CGNL1: variants seen among roughly 807,000 people sequenced by gnomAD.
CGNL1 encodes cingulin-like protein 1.
In CGNL1, 132 loss-of-function variants were observed where a neutral mutation model predicts 141.2. That is an observed-to-expected ratio of 0.93 (90% CI 0.81 to 1.08). The LOEUF is 1.08. Among genes scored for constraint, CGNL1 ranks in the 50% least tolerant of loss-of-function variants. The probability of loss-of-function intolerance (pLI) is 0.00; values close to 1 mark genes in which losing one functional copy is unlikely to be tolerated. For synonymous variants in CGNL1, 690 were observed against 622.1 expected, an observed-to-expected ratio of 1.11 and a Z score of -1.63; for missense variants, 1,870 against 1,588.6, an observed-to-expected ratio of 1.18 and a Z score of -3.01.
chr15:57,404,961 T>G (rs2062698572), intron 1 of CGNL1: 1 of 152,200 alleles, frequency 6.6e-6, no homozygotes, highest in South Asian at 2.1e-4. Context: ...TGAGCCTTGA[T>G]TTCCTTACCT....
intron 3 of CGNL1, 108 bp from the exon 4 acceptor site, chr15:57,442,265 T>C (rs527916694): frequency 4.8e-5 from 24 of 504,376 alleles, no homozygotes; most frequent in South Asian, 4.4e-4. Flanking sequence ...TCACAGCTCC[T>C]GCAAATTATC....
chr15:57,381,323 G>A (rs552485069), intron 1 of CGNL1, among the ~76,000 whole-genome samples: 2 of 152,262 alleles, frequency 1.3e-5, no homozygotes, highest in East Asian at 3.9e-4. Flanking sequence ...ACTTTGGGAG[G>A]CCGAGGCAGG....
Position 57,547,719 on chromosome 15 carries a change from A to C in CGNL1, c.*229A>C. The C allele has an allele frequency of 2.0e-6, 1 of 491,486 alleles. No individual in the cohort carries two copies. The allele number at this position is 491,486 out of a possible 1,614,324, so 30.4% of individuals were successfully genotyped here. Reference sequence around the variant, plus strand: ...GGATGCCTGAGGACCAGGAGCCACCACCCACTGGGGTGTTGTGAGAGATAC... The same window carrying C: ...GGATGCCTGAGGACCAGGAGCCACCCCCCACTGGGGTGTTGTGAGAGATAC... On this transcript the variant is annotated 3_prime_UTR_variant, in exon 19 of 19. Transcript: ENST00000281282.
Position 57,378,837 on chromosome 15 carries a change from G to C in CGNL1, c.-16+2270G>C, listed in dbSNP as rs189346747. 7.5e-4 allele frequency among the ~76,000 whole-genome samples: 114 copies of C among 152,214 alleles called. 1 individual carries two copies. The highest frequency in any genetic ancestry group is 2.6e-3 in the African/African-American group (107 of 41,542). On this transcript the variant is annotated intron_variant, in intron 1 of 18. Coordinates refer to ENST00000281282, the MANE Select transcript of CGNL1 (RefSeq NM_032866.5). ...ATAATTTTGCCCACTTGGTTTTCTCGCTTTTCCCCAACTTCCACGACCATG... is the reference window on the plus strand; with the variant it reads ...ATAATTTTGCCCACTTGGTTTTCTCCCTTTTCCCCAACTTCCACGACCATG...
intron 5 of CGNL1, among the ~76,000 whole-genome samples, 177 bp from the exon 6 acceptor site, chr15:57,451,958 TTAAATA>T (rs1257334288): frequency 6.6e-6 from 1 of 152,236 alleles, no homozygotes. Context: ...TTACAGTTCA[TTAAATA>T]TAAATGTTTG....
intron 1 of CGNL1, among the ~76,000 whole-genome samples, chr15:57,431,647 G>A (rs1165106053): frequency 2.0e-5 from 3 of 152,198 alleles, no homozygotes; most frequent in Admixed American, 6.5e-5. Flanking sequence ...CCTGCGGCCC[G>A]TGGGCTGCCT....
At chr15:57,512,187 G>A (rs531590307) in intron 8 of CGNL1, among the ~76,000 whole-genome samples, 3 of 152,322 alleles carry the variant, frequency 2.0e-5, no homozygotes, top group Admixed American at 1.3e-4. Flanking sequence ...GGAGAACTTT[G>A]AAGGTCCTCT....
At chr15:57,480,238 T>C (rs2063708558) in intron 8 of CGNL1, among the ~76,000 whole-genome samples, 2 of 132,920 alleles carry the variant, frequency 1.5e-5, no homozygotes, top group Admixed American at 7.2e-5. Context: ...AAAATATGCA[T>C]TGAGGCCAGG....
At chr15:57,451,873 A>G (rs911372289) in intron 5 of CGNL1, among the ~76,000 whole-genome samples, 2 of 152,214 alleles carry the variant, frequency 1.3e-5, no homozygotes, top group Non-Finnish European at 2.9e-5. Flanking sequence ...AACTAAATGT[A>G]TATAAAACAT....
intron 1 of CGNL1, among the ~76,000 whole-genome samples, chr15:57,419,921 TG>T (rs764926820): frequency 6.6e-6 from 1 of 152,218 alleles, no homozygotes; most frequent in Non-Finnish European, 1.5e-5. Context: ...TCTGCATGGG[TG>T]AGTTGTCTGC....
At chr15:57,529,042 A>G in intron 13 of CGNL1, 1 of 442,412 alleles carries the variant, frequency 2.3e-6, no homozygotes, top group East Asian at 3.9e-5. Flanking sequence ...TTAGTCTAAC[A>G]TTCTCATTGT....
At chr15:57,488,530 G>T (rs1267966606) in intron 8 of CGNL1, among the ~76,000 whole-genome samples, 1 of 152,140 alleles carries the variant, frequency 6.6e-6, no homozygotes, top group African/African-American at 2.4e-5. Flanking sequence ...CTGGTGTAGG[G>T]ACTGCTTCTA....
chr15:57,443,656 G>C (rs911690226), intron 4 of CGNL1, among the ~76,000 whole-genome samples: 1 of 152,192 alleles, frequency 6.6e-6, no homozygotes, highest in East Asian at 1.9e-4. Context: ...TCCCACTGGG[G>C]AATCTTTACA....
chr15:57,547,996 G>C lies in CGNL1; in HGVS notation c.*506G>C, dbSNP rs1294933857. The stretch of plus-strand genomic sequence containing the variant: ...TTTGTAAAGTTCATGCATCTATATT[G>C]AGTATTCTTTTTTTTTTTTTTTGAG... On this transcript the variant is annotated 3_prime_UTR_variant, in exon 19 of 19. Coordinates refer to ENST00000281282, the MANE Select transcript of CGNL1 (RefSeq NM_032866.5). 6.7e-6 allele frequency: 1 copy of C among 150,016 alleles called. No individual in the cohort carries two copies. Among genetic ancestry groups the C allele is most frequent in the Non-Finnish European group, 1.5e-5 (1 of 67,948 alleles). 9.3% of individuals were successfully genotyped at this position (150,016 alleles called of 1,614,324 possible).
chr15:57,547,552 G>A lies in CGNL1; in HGVS notation c.*62G>A. ...GCAGGAGCTGCAGCCACCCAAAGTG[G>A]GAGGCAGGGAGGGGAGCATCTGTCT... On this transcript the variant is annotated 3_prime_UTR_variant, in exon 19 of 19. Transcript: ENST00000281282. 6 of 1,571,590 alleles carry A rather than the reference G, an allele frequency of 3.8e-6. No individual in the cohort carries two copies. The highest frequency in any genetic ancestry group is 5.2e-6 in the Non-Finnish European group (6 of 1,155,600).
At chr15:57,439,679 G>T (rs2063160965) in intron 2 of CGNL1, 78 bp downstream of exon 2, 1 of 1,382,036 alleles carries the variant, frequency 7.2e-7, no homozygotes, top group South Asian at 1.4e-5. Flanking sequence ...TGCTGCAGGA[G>T]GCCATAGGAA....
chr15:57,454,560 T>G (rs1258554434), intron 7 of CGNL1, among the ~76,000 whole-genome samples: 1 of 152,204 alleles, frequency 6.6e-6, no homozygotes, highest in East Asian at 1.9e-4. Flanking sequence ...CTTCACCCGA[T>G]GACCTGGCAG....
chr15:57,547,403 T>C lies in CGNL1; in HGVS notation c.3822T>C (p.Asp1274=), dbSNP rs772555230. Residue 1274 remains aspartate (D), a synonymous_variant, in exon 19 of 19, where the codon GAT becomes GAC. Coordinates refer to ENST00000281282, the MANE Select transcript of CGNL1 (RefSeq NM_032866.5). ...TGCTGGATGACATGGATGACGACGA[T>C]GACCTCAGCACGGATGGGGGAAGCC... ...SKVLDDMDDD[D]DLSTDGGSLY... is the part of the protein sequence containing the mutation. 6.2e-7 allele frequency: 1 copy of C among 1,614,168 alleles called. No homozygotes were observed. The highest frequency in any genetic ancestry group is 8.5e-7 in the Non-Finnish European group (1 of 1,180,000).
intron 4 of CGNL1, among the ~76,000 whole-genome samples, chr15:57,442,917 C>T (rs1479960786): frequency 2.0e-5 from 3 of 152,150 alleles, no homozygotes; most frequent in Admixed American, 6.5e-5. Flanking sequence ...CCATGCTTGG[C>T]CTTTCCCAGC....
Sources: gnomAD v4.1 joint callset for allele counts (sites outside exome capture counted in the v4.1 genomes callset) on GRCh38, gnomAD v4.1.1 for gene constraint, MANE v1.5 for transcripts, NCBI Gene and HGNC (gene_info 2026-07-23, HGNC 2026-07-21) for gene names.